Variants in CYP3A7 observed in about 807,000 individuals in gnomAD.
The protein encoded by CYP3A7 is cytochrome P450 3A7.
CYP3A7 carries 45 observed loss-of-function variants against 55.2 expected under a neutral mutation model. The observed-to-expected ratio is 0.82, with a 90% CI of 0.64 to 1.05. The LOEUF (loss-of-function observed/expected upper bound fraction) is 1.05. Ranked by LOEUF, CYP3A7 falls within the 50% of genes least tolerant of loss-of-function variation. The probability of loss-of-function intolerance (pLI) is 0.00; values close to 1 mark genes in which losing one functional copy is unlikely to be tolerated. For missense variants in CYP3A7, 548 were observed against 605.3 expected, an observed-to-expected ratio of 0.91 and a Z score of 0.99; for synonymous variants, 180 against 207.4, an observed-to-expected ratio of 0.87 and a Z score of 1.13.
intron 9 of CYP3A7, among the ~76,000 whole-genome samples, chr7:99,711,153 A>T (rs1334510231): frequency 6.6e-6 from 1 of 152,104 alleles, no homozygotes; most frequent in African/African-American, 2.4e-5. Flanking sequence ...TGCCACCTTC[A>T]CAGCTGGGTA....
intron 2 of CYP3A7, among the ~76,000 whole-genome samples, chr7:99,728,432 G>A (rs1814497824): frequency 6.6e-6 from 1 of 152,084 alleles, no homozygotes; most frequent in Admixed American, 6.6e-5. Flanking sequence ...CTCATACCCA[G>A]TTGCCCCATC....
chr7:99,714,893 G>A (rs1230761160), intron 7 of CYP3A7, among the ~76,000 whole-genome samples: 2 of 152,176 alleles, frequency 1.3e-5, no homozygotes, highest in Non-Finnish European at 2.9e-5. Flanking sequence ...ACAGCAGTGA[G>A]ATCAGCAGCC....
At chr7:99,722,487 A>G in intron 2 of CYP3A7, 139 bp from the exon 3 acceptor site, 1 of 1,049,428 alleles carries the variant, frequency 9.5e-7, no homozygotes, top group South Asian at 1.6e-5. Flanking sequence ...AGATGTCATA[A>G]GAGAAAGGAA....
chr7:99,734,977 C>G (rs767014131), intron 1 of CYP3A7, 46 bp downstream of exon 1: 1 of 1,613,374 alleles, frequency 6.2e-7, no homozygotes. Context: ...TGATTAGCAC[C>G]CCAAGTCCAA....
chr7:99,720,539 T>G (rs1454209761), intron 3 of CYP3A7, 127 bp from the exon 4 acceptor site: 1 of 1,033,980 alleles, frequency 9.7e-7, no homozygotes, highest in African/African-American at 1.6e-5. Context: ...ACAGTAATCT[T>G]AAGTTCTAGT....
chr7:99,717,499 T>A, intron 5 of CYP3A7, 27 bp downstream of exon 5: 1 of 1,612,756 alleles, frequency 6.2e-7, no homozygotes, highest in South Asian at 1.1e-5. Flanking sequence ...TTTAAGTTTC[T>A]AATTAAAACC....
At chr7:99,708,959 G>A (rs1813636078) in intron 11 of CYP3A7, 76 bp downstream of exon 11, 1 of 1,504,222 alleles carries the variant, frequency 6.6e-7, no homozygotes, top group Admixed American at 1.7e-5. Flanking sequence ...TACAAGCCCA[G>A]ACTGTCCTGT....
At chr7:99,710,666 G>A in intron 10 of CYP3A7, 66 bp downstream of exon 10, 1 of 1,612,084 alleles carries the variant, frequency 6.2e-7, no homozygotes, top group Middle Eastern at 1.7e-4. Flanking sequence ...CTCCTGGGAA[G>A]TGGTGAGGAA....
intron 1 of CYP3A7, among the ~76,000 whole-genome samples, chr7:99,732,233 C>T (rs748945501): frequency 2.0e-5 from 3 of 152,152 alleles, no homozygotes; most frequent in Non-Finnish European, 4.4e-5. Context: ...TGCTTCTGCT[C>T]CAGTCATGTA....
chr7:99,723,485 G>A (rs190209673), intron 2 of CYP3A7, among the ~76,000 whole-genome samples: 4 of 152,116 alleles, frequency 2.6e-5, no homozygotes, highest in Non-Finnish European at 4.4e-5. Context: ...ACTCCTTTTC[G>A]GACTCAGTCA....
intron 3 of CYP3A7, 85 bp from the exon 4 acceptor site, chr7:99,720,497 G>A (rs960029961): frequency 1.1e-5 from 15 of 1,426,828 alleles, no homozygotes; most frequent in African/African-American, 5.6e-5. Context: ...ACTTTGATCC[G>A]GACATTACAT....
intron 11 of CYP3A7, 57 bp from the exon 12 acceptor site, chr7:99,708,031 A>G (rs1433372826): frequency 1.9e-6 from 3 of 1,612,332 alleles, no homozygotes; most frequent in Non-Finnish European, 2.5e-6. Flanking sequence ...TCTAAGAGTT[A>G]CATGTTAGGG....
In CYP3A7 at chr7:99,726,336, A is replaced by G. The variant is rs372615236; in HGVS notation, c.166-3988T>C. Among the ~76,000 whole-genome samples the G allele has an allele frequency of 4.6e-5, 7 of 152,290 alleles. No individual in the cohort carries two copies. In the East Asian group the frequency reaches 1.4e-3, roughly 29 times the overall value. ...TACAGCATGGGCTTCTAAAGCCTAC[A>G]AACTCTCCTTATAATTCCCCCATCT... On this transcript the variant is annotated intron_variant, in intron 2 of 12. Coordinates refer to ENST00000336374, the MANE Select transcript of CYP3A7 (RefSeq NM_000765.5).
At chr7:99,719,151 T>G (rs1814084393) in intron 4 of CYP3A7, among the ~76,000 whole-genome samples, 1 of 152,180 alleles carries the variant, frequency 6.6e-6, no homozygotes, top group South Asian at 2.1e-4. Flanking sequence ...GAGAGACTCA[T>G]TCTGAATTTT....
chr7:99,730,811 A>G (rs762296360), intron 2 of CYP3A7: 5 of 477,586 alleles, frequency 1.0e-5, no homozygotes, highest in Non-Finnish European at 1.9e-5. Context: ...CTGCACATCA[A>G]GTTGTGAACA....
At chr7:99,715,350 A>G in intron 7 of CYP3A7, 2 of 242,156 alleles carry the variant, frequency 8.3e-6, no homozygotes, top group Non-Finnish European at 1.6e-5. Flanking sequence ...ATGCCACAAC[A>G]CAGTAAACGG....
At position 99,735,161 on chromosome 7, in the gene CYP3A7, C is replaced by T; in HGVS notation, c.-68G>A. 2 of 1,600,964 alleles carry T rather than the reference C, an allele frequency of 1.2e-6. No individual in the cohort carries two copies. Among genetic ancestry groups the T allele is most frequent in the Non-Finnish European group, 1.7e-6 (2 of 1,170,342 alleles). Reference sequence around the variant, plus strand: ...CAGCAGCGTGCTGCTGTTTGCTGGGCTGTGTGTGTGGAGCTTTCCTGCCCT... The same window carrying T: ...CAGCAGCGTGCTGCTGTTTGCTGGGTTGTGTGTGTGGAGCTTTCCTGCCCT... On this transcript the variant is annotated 5_prime_UTR_variant, in exon 1 of 13. Coordinates refer to ENST00000336374, the MANE Select transcript of CYP3A7 (RefSeq NM_000765.5).
Position 99,709,166 on chromosome 7 carries a change from C to G in CYP3A7, c.1122G>C (p.Glu374Asp). Residue 374 changes from glutamate (E) to aspartate (D), a missense_variant, in exon 11 of 13, where the codon GAG (glutamate) becomes GAC (aspartate). Coordinates refer to ENST00000336374, the MANE Select transcript of CYP3A7 (RefSeq NM_000765.5). ...TTTCAACATCTTTTTTGCAGACCCT[C>G]TCAAGTCTCATAGCAACTGGGAATA... ...LRLFPVAMRL[E>D]RVCKKDVEIN... is the part of the protein sequence containing the mutation. 4 of 1,614,008 alleles carry G rather than the reference C, an allele frequency of 2.5e-6. No individual in the cohort carries two copies. The highest frequency in any genetic ancestry group is 3.4e-6 in the Non-Finnish European group (4 of 1,179,938).
chr7:99,733,938 T>G (rs1814727699), intron 1 of CYP3A7, among the ~76,000 whole-genome samples: 1 of 152,232 alleles, frequency 6.6e-6, no homozygotes. Flanking sequence ...GAGATATATA[T>G]TTGTACATTA....
Sources: gnomAD v4.1 joint callset for allele counts (sites outside exome capture counted in the v4.1 genomes callset) on GRCh38, gnomAD v4.1.1 for gene constraint, MANE v1.5 for transcripts, NCBI Gene and HGNC (gene_info 2026-07-23, HGNC 2026-07-21) for gene names.